TVP23A: variants seen among roughly 807,000 people sequenced by gnomAD.
TVP23A encodes the protein Golgi apparatus membrane protein TVP23 homolog A.
A neutral mutation model predicts 31.7 loss-of-function variants in TVP23A; 21 were observed. The observed-to-expected ratio is 0.66, with a 90% CI of 0.47 to 0.95. TVP23A has a LOEUF of 0.95. TVP23A is among the 40% of genes least tolerant of loss of function. The pLI is 0.00. For synonymous variants in TVP23A, 104 were observed against 96.0 expected, an observed-to-expected ratio of 1.08 and a Z score of -0.49; for missense variants, 279 against 255.6, an observed-to-expected ratio of 1.09 and a Z score of -0.62.
At position 10,818,199 on chromosome 16, in the gene TVP23A, G is replaced by A. The variant is rs777800733; in HGVS notation, c.10-17C>T. The A allele has an allele frequency of 1.9e-6, 3 of 1,590,094 alleles. No homozygotes were observed. Among genetic ancestry groups the A allele is most frequent in the African/African-American group, 2.7e-5 (2 of 74,438 alleles). On this transcript the variant is annotated splice_polypyrimidine_tract_variant and intron_variant, in intron 1 of 7. Transcript: ENST00000299866. This position sits in a 1 kb window ranked among gnomAD's most constrained non-coding sequence, Gnocchi z 4.7. ...CACCAGGGCCTGGGAGGAGAGCAAG[G>A]GCAGGTGGCAGGCCCAAGCACGGCG...
intron 2 of TVP23A, among the ~76,000 whole-genome samples, chr16:10,778,936 G>A (rs1011425974): frequency 2.0e-5 from 3 of 152,088 alleles, no homozygotes; most frequent in South Asian, 2.1e-4. Context: ...ACTGCACTAC[G>A]GAGCAAGACT....
At position 10,779,856 on chromosome 16, in the gene TVP23A, A is replaced by C. The variant is rs1258832001; in HGVS notation, c.90-4760T>G. Among the ~76,000 whole-genome samples, 1 of 152,228 alleles carries C rather than the reference A, an allele frequency of 6.6e-6. No homozygotes were observed. Among genetic ancestry groups the C allele is most frequent in the East Asian group, 1.9e-4 (1 of 5,196 alleles). On this transcript the variant is annotated intron_variant, in intron 2 of 7. Transcript: ENST00000299866. The surrounding 1 kb of genome is among the most constrained non-coding windows in gnomAD (Gnocchi z 4.9). ...TAATCCCCAGCCCTTTGGGAAGCTG[A>C]GGCAGGCAGATCACTTGAGCTCAGG...
intron 2 of TVP23A, among the ~76,000 whole-genome samples, chr16:10,810,781 C>G (rs2034161384): frequency 6.6e-6 from 1 of 152,056 alleles, no homozygotes; most frequent in South Asian, 2.1e-4. Context: ...CCCCTCTGTT[C>G]TGGGGCTTTC....
At chr16:10,795,958 A>G (rs992491123) in intron 2 of TVP23A, among the ~76,000 whole-genome samples, 12 of 152,216 alleles carry the variant, frequency 7.9e-5, no homozygotes, top group Non-Finnish European at 1.3e-4. Context: ...TACAAGAAAT[A>G]CAGAGAACCA....
At chr16:10,776,934 T>C (rs573872148) in intron 2 of TVP23A, among the ~76,000 whole-genome samples, 1 of 152,296 alleles carries the variant, frequency 6.6e-6, no homozygotes, top group Non-Finnish European at 1.5e-5. Context: ...ATCTTGGTTT[T>C]GGTGGGTTTT....
rs2032299248 is a variant in TVP23A at position 10,779,679 on chromosome 16, C to T, written c.90-4583G>A. Among the ~76,000 whole-genome samples the T allele has an allele frequency of 6.6e-6, 1 of 152,330 alleles. No individual in the cohort carries two copies. The highest frequency in any genetic ancestry group is 6.5e-5 in the Admixed American group (1 of 15,306). On this transcript the variant is annotated intron_variant, in intron 2 of 7. Coordinates refer to ENST00000299866, the MANE Select transcript of TVP23A (RefSeq NM_001079512.4). The surrounding 1 kb of genome is among the most constrained non-coding windows in gnomAD (Gnocchi z 4.9). ...GGAGAGGAAGTTTTTATTTCTGTAGCCAGTTACAGGGAGAAGACCTAGAAA... is the reference window on the plus strand; with the variant it reads ...GGAGAGGAAGTTTTTATTTCTGTAGTCAGTTACAGGGAGAAGACCTAGAAA...
chr16:10,811,955 C>A (rs1326225327), intron 2 of TVP23A, among the ~76,000 whole-genome samples: 7 of 139,190 alleles, frequency 5.0e-5, no homozygotes, highest in African/African-American at 1.9e-4. Context: ...TTACATTAAA[C>A]CTAAAAACTT....
At chr16:10,804,634 T>TA (rs2033858457) in intron 2 of TVP23A, among the ~76,000 whole-genome samples, 1 of 152,116 alleles carries the variant, frequency 6.6e-6, no homozygotes, top group South Asian at 2.1e-4. Context: ...CAGTCCCAGC[T>TA]ACTCAGGAGG....
At chr16:10,814,514 G>T (rs1287858475) in intron 2 of TVP23A, among the ~76,000 whole-genome samples, 1 of 151,996 alleles carries the variant, frequency 6.6e-6, no homozygotes, top group Admixed American at 6.6e-5. Context: ...TACCTCCCCT[G>T]TGCCTCTGGG....
At chr16:10,780,064 G>A (rs1376454979) in intron 2 of TVP23A, among the ~76,000 whole-genome samples, 1 of 151,892 alleles carries the variant, frequency 6.6e-6, no homozygotes, top group Non-Finnish European at 1.5e-5. Context: ...CTCCAGCCTG[G>A]GCGACAGAGT....
intron 2 of TVP23A, among the ~76,000 whole-genome samples, chr16:10,795,815 C>T (rs2033357893): frequency 6.6e-6 from 1 of 152,154 alleles, no homozygotes; most frequent in Non-Finnish European, 1.5e-5. Flanking sequence ...GAGGACTGAG[C>T]ACCAACGGTT....
chr16:10,784,940 T>C (rs1202467122), intron 2 of TVP23A, among the ~76,000 whole-genome samples: 9 of 145,090 alleles, frequency 6.2e-5, no homozygotes, highest in Non-Finnish European at 1.4e-4. Flanking sequence ...ATCTCTAAAA[T>C]ACAAAAAGTA....
chr16:10,800,102 A>AT (rs940530088), intron 2 of TVP23A, among the ~76,000 whole-genome samples: 217 of 138,718 alleles, frequency 1.6e-3, no homozygotes, highest in Admixed American at 5.6e-3. Context: ...ATTGAAAACA[A>AT]TTTTTTTTTT....
chr16:10,765,674 C>T (rs2030773953), downstream of TVP23A, among the ~76,000 whole-genome samples: 1 of 152,210 alleles, frequency 6.6e-6, no homozygotes, highest in African/African-American at 2.4e-5. This position sits in a 1 kb window ranked among gnomAD's most constrained non-coding sequence, Gnocchi z 4.0. Flanking sequence ...CATCTTCCCA[C>T]CTCCCTCACA....
At chr16:10,757,791 C>T, downstream of TVP23A, 1 of 1,544,250 alleles carries the variant, frequency 6.5e-7, no homozygotes, top group Non-Finnish European at 8.8e-7. This position sits in a 1 kb window ranked among gnomAD's most constrained non-coding sequence, Gnocchi z 4.1. Context: ...AGCAAGACCC[C>T]ATCCTTTAAA....
chr16:10,785,629 T>C (rs1321628894), intron 2 of TVP23A, among the ~76,000 whole-genome samples: 1 of 152,166 alleles, frequency 6.6e-6, no homozygotes, highest in Non-Finnish European at 1.5e-5. Flanking sequence ...CCTGACAACA[T>C]GTGTCCAAGG....
At chr16:10,803,634 G>A (rs1028820665) in intron 2 of TVP23A, among the ~76,000 whole-genome samples, 1 of 152,102 alleles carries the variant, frequency 6.6e-6, no homozygotes, top group African/African-American at 2.4e-5. Flanking sequence ...CCTGGTGTTC[G>A]GGGTTCTGAC....
At chr16:10,805,252 G>A (rs1226067334) in intron 2 of TVP23A, among the ~76,000 whole-genome samples, 1 of 151,778 alleles carries the variant, frequency 6.6e-6, no homozygotes, top group Non-Finnish European at 1.5e-5. Context: ...GGCTGGTCTT[G>A]AACTCCTAAC....
chr16:10,775,244 T>G, intron 2 of TVP23A, 148 bp from the exon 3 acceptor site: 2 of 1,452,444 alleles, frequency 1.4e-6, no homozygotes, highest in Non-Finnish European at 1.8e-6. Flanking sequence ...ACTCAGGCTG[T>G]AGCCCTGGGG....
Sources: allele counts gnomAD v4.1 joint callset (sites outside exome capture counted in the v4.1 genomes callset), GRCh38; gene constraint gnomAD v4.1.1; non-coding constraint Gnocchi (gnomAD v3.1); transcripts MANE v1.5; gene names NCBI Gene and HGNC (gene_info 2026-07-23, HGNC 2026-07-21).